Variants in PCDH15 observed in about 807,000 individuals in gnomAD.
PCDH15 encodes the protein protocadherin-15.
In PCDH15, 129 loss-of-function variants were observed where a neutral mutation model predicts 178.5. That is an observed-to-expected ratio of 0.72 (90% CI 0.63 to 0.84). The LOEUF is 0.84. Among genes scored for constraint, PCDH15 ranks in the 40% least tolerant of loss-of-function variants. PCDH15 has a pLI of 0.00. For synonymous variants in PCDH15, 800 were observed against 732.0 expected (o/e 1.09, Z -1.50); for missense variants, 2,230 against 2,099.9 (o/e 1.06, Z -1.21).
intron 27 of PCDH15, among the ~76,000 whole-genome samples, chr10:53,864,227 G>C (rs1003364620): frequency 1.1e-4 from 17 of 152,074 alleles, no homozygotes; most frequent in Non-Finnish European, 1.9e-4. Context: ...CTGGGGTCAG[G>C]GAATCTAAGG....
chr10:54,333,496 T>C (rs1940317991), intron 6 of PCDH15, among the ~76,000 whole-genome samples: 1 of 151,686 alleles, frequency 6.6e-6, no homozygotes, highest in Non-Finnish European at 1.5e-5. Flanking sequence ...AAAAGAATAC[T>C]GGATTAGATC....
intron 1 of PCDH15, among the ~76,000 whole-genome samples, chr10:54,715,158 C>T (rs547762648): frequency 1.1e-4 from 16 of 152,074 alleles, no homozygotes; most frequent in African/African-American, 3.4e-4. Context: ...GTGCAATGCT[C>T]GGTTTAGACT....
At chr10:54,116,040 T>C (rs985138032) in intron 15 of PCDH15, among the ~76,000 whole-genome samples, 1 of 151,914 alleles carries the variant, frequency 6.6e-6, no homozygotes, top group African/African-American at 2.4e-5. Flanking sequence ...GTCAGGGAAG[T>C]TAAGGGGAAG....
chr10:54,558,339 A>T (rs977438649), intron 2 of PCDH15, among the ~76,000 whole-genome samples: 3 of 152,172 alleles, frequency 2.0e-5, no homozygotes, highest in African/African-American at 4.8e-5. Context: ...AGATCAATTT[A>T]TTAGAGACAA....
chr10:54,934,726 T>G (rs1165735744), intron 2 of PCDH15, among the ~76,000 whole-genome samples: 8 of 151,630 alleles, frequency 5.3e-5, no homozygotes, highest in East Asian at 1.9e-4. Context: ...ATCCCATTAC[T>G]GGGTATATAC....
At chr10:55,099,236 A>G (rs1842521353) in intron 2 of PCDH15, among the ~76,000 whole-genome samples, 1 of 152,058 alleles carries the variant, frequency 6.6e-6, no homozygotes, top group African/African-American at 2.4e-5. Context: ...TTGTTAATTC[A>G]GTCTACTTAC....
At chr10:54,082,639 A>T (rs2094451612) in intron 16 of PCDH15, among the ~76,000 whole-genome samples, 1 of 152,044 alleles carries the variant, frequency 6.6e-6, no homozygotes, top group Non-Finnish European at 1.5e-5. Flanking sequence ...CCTGTAAACA[A>T]CTCTTAGATA....
chr10:54,973,612 C>G (rs1392254085), intron 2 of PCDH15, among the ~76,000 whole-genome samples: 5 of 152,078 alleles, frequency 3.3e-5, no homozygotes, highest in African/African-American at 1.2e-4. Context: ...ACTGATCAAG[C>G]TTCATTATTG....
intron 1 of PCDH15, among the ~76,000 whole-genome samples, chr10:54,753,304 C>T (rs1486967316): frequency 6.6e-6 from 1 of 152,032 alleles, no homozygotes; most frequent in Non-Finnish European, 1.5e-5. Context: ...GTGCCTCAGC[C>T]TCCTGAGCAG....
Position 54,782,118 on chromosome 10 carries a change from A to T in PCDH15, c.-29+18807T>A, listed in dbSNP as rs144973716. 3.6e-3 allele frequency among the ~76,000 whole-genome samples: 549 copies of T among 152,300 alleles called. 2 individuals are homozygous for T. The highest frequency in any genetic ancestry group is 0.012 in the African/African-American group (483 of 41,570). The stretch of plus-strand genomic sequence containing the variant: ...AATCTTTCAAAGTATTCCATGCAGA[A>T]CAGCTGATTTAGTAACCTACTGTGA... On this transcript the variant is annotated intron_variant, in intron 1 of 37. Coordinates refer to ENST00000644397, the MANE Select transcript of PCDH15 (RefSeq NM_001384140.1).
intron 2 of PCDH15, among the ~76,000 whole-genome samples, chr10:55,602,328 C>T (rs1297442390): frequency 2.7e-5 from 4 of 145,886 alleles, no homozygotes; most frequent in Non-Finnish European, 3.1e-5. Context: ...CCCACAATTG[C>T]CCAGGCTTGC....
chr10:54,402,127 A>G (rs1189648390), intron 3 of PCDH15, among the ~76,000 whole-genome samples: 1 of 151,902 alleles, frequency 6.6e-6, no homozygotes, highest in African/African-American at 2.4e-5. Flanking sequence ...AGAGTGAGGG[A>G]AAAAAACATA....
chr10:55,398,848 T>C (rs770099533), intron 2 of PCDH15, among the ~76,000 whole-genome samples: 5 of 151,966 alleles, frequency 3.3e-5, no homozygotes, highest in Non-Finnish European at 7.4e-5. Flanking sequence ...AAATATTTGC[T>C]CAAATAATAA....
intron 1 of PCDH15, among the ~76,000 whole-genome samples, chr10:54,779,014 TCTC>T (rs1277015861): frequency 6.6e-6 from 1 of 152,052 alleles, no homozygotes; most frequent in African/African-American, 2.4e-5. Context: ...TGAAGGGATT[TCTC>T]CTTTTACTCA....
rs757791232 is a variant in PCDH15 at position 53,903,329 on chromosome 10, T to G, written c.3415A>C (p.Asn1139His). 6.2e-7 allele frequency: 1 copy of G among 1,612,866 alleles called. No homozygotes were observed. The highest frequency in any genetic ancestry group is 1.1e-5 in the South Asian group (1 of 91,050). ...TTTTTCTGAAACACTGGGGGATGAT[T>G]ATTTTCATCCTGAATCTCAATGTAT... Reference protein sequence around the residue: ...KVYIEIQDENNHPPVFQKKFY... With the variant: ...KVYIEIQDENHHPPVFQKKFY... The change falls in exon 26 of 38, where the codon AAT becomes CAT. Residue 1139 changes from asparagine to histidine, a missense_variant. Asn to His is a moderately conservative substitution (Grantham distance 68). Transcript: ENST00000644397.
chr10:54,492,186 A>G (rs1186575428), intron 3 of PCDH15, among the ~76,000 whole-genome samples: 1 of 152,192 alleles, frequency 6.6e-6, no homozygotes, highest in Non-Finnish European at 1.5e-5. Context: ...TGGCTCCCTG[A>G]ATAAAAGAGG....
chr10:53,866,131 T>C (rs1215586574), intron 27 of PCDH15, among the ~76,000 whole-genome samples: 1 of 152,176 alleles, frequency 6.6e-6, no homozygotes, highest in Non-Finnish European at 1.5e-5. Flanking sequence ...AATGTCATCA[T>C]TGGGAATTTT....
chr10:54,935,813 T>A (rs187331139), intron 2 of PCDH15, among the ~76,000 whole-genome samples: 138 of 152,212 alleles, frequency 9.1e-4, no homozygotes, highest in African/African-American at 3.2e-3. Context: ...ACATTGTTAT[T>A]CTTAAATTCC....
chr10:55,135,010 A>G (rs1220235410), intron 2 of PCDH15, among the ~76,000 whole-genome samples: 1 of 152,200 alleles, frequency 6.6e-6, no homozygotes, highest in Admixed American at 6.5e-5. Context: ...GTTTTAAACA[A>G]CAGTTGTTTA....
Sources: gnomAD v4.1 joint callset for allele counts (sites outside exome capture counted in the v4.1 genomes callset) on GRCh38, gnomAD v4.1.1 for gene constraint, MANE v1.5 for transcripts, NCBI Gene and HGNC (gene_info 2026-07-23, HGNC 2026-07-21) for gene names.